Variants in THRB observed in about 807,000 individuals in gnomAD.
THRB encodes nuclear receptor subfamily 1 group A member 2.
Under a neutral mutation model 47.8 loss-of-function variants are expected in THRB, and 12 were observed. That is an observed-to-expected ratio of 0.25 (90% CI 0.16 to 0.41). The LOEUF is 0.41. THRB is among the 10% of genes least tolerant of loss of function. The pLI is 1.00. For synonymous variants in THRB, 218 were observed against 212.2 expected, an observed-to-expected ratio of 1.03 and a Z score of -0.24; for missense variants, 348 against 589.2, an observed-to-expected ratio of 0.59 and a Z score of 4.24.
Position 24,120,244 on chromosome 3 carries a change from C to G in THRB, c.*2640G>C, listed in dbSNP as rs1211770697. The G allele has an allele frequency of 6.6e-6, 1 of 152,206 alleles. No homozygotes were observed. The highest frequency in any genetic ancestry group is 1.5e-5 in the Non-Finnish European group (1 of 68,056). 9.4% of individuals were successfully genotyped at this position (152,206 alleles called of 1,614,324 possible). A position where few individuals can be genotyped will look rare whatever the true frequency, so the allele number is the denominator to read the frequency against. The stretch of plus-strand genomic sequence containing the variant: ...TGAAGGTGGGCTAAGGCTTGTCCTA[C>G]TCCGCATGAAGTATTCAGCCTTCAA... On this transcript the variant is annotated 3_prime_UTR_variant, in exon 11 of 11. Transcript: ENST00000646209.
chr3:24,125,573 C>A (rs140438257), intron 10 of THRB, among the ~76,000 whole-genome samples: 1 of 152,172 alleles, frequency 6.6e-6, no homozygotes, highest in African/African-American at 2.4e-5. Flanking sequence ...CAAAGTCACA[C>A]AAGGAGTCCT....
At chr3:24,494,170 A>T (rs1056329570) in intron 1 of THRB, 1 of 152,282 alleles carries the variant, frequency 6.6e-6, no homozygotes, top group African/African-American at 2.4e-5. Flanking sequence ...GCAGGCGAAA[A>T]AGGGGGGATG....
intron 1 of THRB, among the ~76,000 whole-genome samples, chr3:24,365,279 G>C (rs1424623400): frequency 6.6e-6 from 1 of 152,074 alleles, no homozygotes; most frequent in Non-Finnish European, 1.5e-5. Flanking sequence ...GAGTGTGCAG[G>C]AACAGGCAGA....
At chr3:24,486,640 A>G (rs984174416) in intron 1 of THRB, 2 of 152,240 alleles carry the variant, frequency 1.3e-5, no homozygotes, top group Non-Finnish European at 2.9e-5. Flanking sequence ...TTAATAAGCC[A>G]GATGCCTAGG....
At chr3:24,366,496 C>T (rs1486889879) in intron 1 of THRB, among the ~76,000 whole-genome samples, 1 of 152,162 alleles carries the variant, frequency 6.6e-6, no homozygotes, top group African/African-American at 2.4e-5. Context: ...AGTCTCTCTA[C>T]TTCCTGGAAG....
chr3:24,154,315 A>G (rs188660689), intron 5 of THRB, among the ~76,000 whole-genome samples: 94 of 152,334 alleles, frequency 6.2e-4, no homozygotes, highest in African/African-American at 2.2e-3. Context: ...GCGTTCATTC[A>G]GTCATTTATC....
chr3:24,449,211 T>C (rs2072404521), intron 1 of THRB, among the ~76,000 whole-genome samples: 1 of 152,224 alleles, frequency 6.6e-6, no homozygotes, highest in Non-Finnish European at 1.5e-5. Context: ...ACAAGCATGG[T>C]GAACACTGTA....
chr3:24,223,460 C>G (rs1303912548), intron 4 of THRB, among the ~76,000 whole-genome samples: 1 of 152,006 alleles, frequency 6.6e-6, no homozygotes, highest in Admixed American at 6.6e-5. Context: ...AGAACTCATT[C>G]TATATAAATT....
chr3:24,475,997 A>G (rs2125817557), intron 1 of THRB, among the ~76,000 whole-genome samples: 1 of 152,354 alleles, frequency 6.6e-6, no homozygotes, highest in African/African-American at 2.4e-5. Context: ...AAAGAGCCTG[A>G]GGGCACAGTT....
rs1231598841 is a variant in THRB, at chr3:24,135,846, T to TATATATATATATATAA, written c.739-2385_739-2384insTTATATATATATATAT. Among the ~76,000 whole-genome samples the TATATATATATATATAA allele has an allele frequency of 4.4e-3, 531 of 121,036 alleles. 4 individuals carry two copies. The highest frequency in any genetic ancestry group is 0.016 in the African/African-American group (496 of 30,450). The allele number at this position is 121,036 out of a possible 152,430, so 79.4% of individuals were successfully genotyped here. On this transcript the variant is annotated intron_variant, in intron 8 of 10. Transcript: ENST00000646209. ...ATATATATATATATATATATATATA[T>TATATATATATATATAA]AATACATAAATATATATTAATTACA... is the stretch of plus-strand genomic sequence containing the variant.
intron 1 of THRB, among the ~76,000 whole-genome samples, chr3:24,425,388 T>A (rs1351472448): frequency 6.6e-6 from 1 of 151,944 alleles, no homozygotes; most frequent in Non-Finnish European, 1.5e-5. Flanking sequence ...TGCCTATTTG[T>A]ATTTCTTTAT....
At chr3:24,478,429 T>C (rs184897825) in intron 1 of THRB, among the ~76,000 whole-genome samples, 109 of 152,334 alleles carry the variant, frequency 7.2e-4, no homozygotes, top group Middle Eastern at 3.4e-3. Flanking sequence ...TGTTACATCT[T>C]ACTATATACT....
chr3:24,471,745 A>G (rs1306758744), intron 1 of THRB, among the ~76,000 whole-genome samples: 2 of 152,308 alleles, frequency 1.3e-5, no homozygotes, highest in African/African-American at 4.8e-5. Flanking sequence ...CATCTCATGC[A>G]TATGGTTGTT....
At chr3:24,346,015 G>C (rs980952956) in intron 1 of THRB, among the ~76,000 whole-genome samples, 1 of 151,962 alleles carries the variant, frequency 6.6e-6, no homozygotes, top group Non-Finnish European at 1.5e-5. Context: ...ATTTAAAGAA[G>C]TATACTTCCA....
chr3:24,250,374 T>A (rs899315541), intron 3 of THRB, among the ~76,000 whole-genome samples: 10 of 152,150 alleles, frequency 6.6e-5, no homozygotes, highest in Admixed American at 6.5e-4. Flanking sequence ...GATATAACCA[T>A]ACATTATGCT....
At chr3:24,232,016 C>T (rs1040897388) in intron 3 of THRB, among the ~76,000 whole-genome samples, 10 of 152,306 alleles carry the variant, frequency 6.6e-5, no homozygotes, top group African/African-American at 2.4e-4. Context: ...CACCTAGCAT[C>T]TGTGTGTCAT....
At chr3:24,251,186 TG>T (rs2050631651) in intron 3 of THRB, among the ~76,000 whole-genome samples, 1 of 152,108 alleles carries the variant, frequency 6.6e-6, no homozygotes, top group Non-Finnish European at 1.5e-5. Flanking sequence ...TTAAAACCTA[TG>T]TGAGACCCTC....
intron 1 of THRB, among the ~76,000 whole-genome samples, chr3:24,413,282 G>A (rs1244209056): frequency 6.6e-6 from 1 of 151,816 alleles, no homozygotes; most frequent in African/African-American, 2.4e-5. Flanking sequence ...AAACATTCTT[G>A]TGTTACAATA....
In THRB at chr3:24,375,424, G is replaced by T. The variant is rs112106902; in HGVS notation, c.-260-38053C>A. On this transcript the variant is annotated intron_variant, in intron 1 of 10. Coordinates refer to ENST00000646209, the MANE Select transcript of THRB (RefSeq NM_001354712.2). ...AGACATATAATATTAATATATTATAGTTAGACATATAATATTAATATATTA... is the reference window on the plus strand; with the variant it reads ...AGACATATAATATTAATATATTATATTTAGACATATAATATTAATATATTA... Among the ~76,000 whole-genome samples the T allele has an allele frequency of 7.0e-3, 886 of 127,462 alleles. 20 individuals are homozygous for T. Among genetic ancestry groups the T allele is most frequent in the African/African-American group, 0.018 (609 of 33,122 alleles). 83.6% of individuals were successfully genotyped at this position (127,462 alleles called of 152,430 possible).
Sources: gnomAD v4.1 joint callset for allele counts (sites outside exome capture counted in the v4.1 genomes callset) on GRCh38, gnomAD v4.1.1 for gene constraint, MANE v1.5 for transcripts, NCBI Gene and HGNC (gene_info 2026-07-23, HGNC 2026-07-21) for gene names.